The following DPP10 variants were observed in gnomAD, a reference collection of about 807,000 sequenced individuals.
DPP10 encodes dipeptidyl peptidase like 10.
Under a neutral mutation model 120.9 loss-of-function variants are expected in DPP10, and 33 were observed. That is an observed-to-expected ratio of 0.27 (90% CI 0.21 to 0.37). The LOEUF (loss-of-function observed/expected upper bound fraction) is 0.37, where lower values mean the gene tolerates loss of function less well. Among genes scored for constraint, DPP10 ranks in the 10% least tolerant of loss-of-function variants. The pLI is 1.00. For missense variants in DPP10, 816 were observed against 942.8 expected (o/e 0.87, Z 1.76); for synonymous variants, 337 against 326.1 (o/e 1.03, Z -0.36).
chr2:115,304,407 G>A (rs2061275434), intron 1 of DPP10, among the ~76,000 whole-genome samples: 2 of 152,024 alleles, frequency 1.3e-5, no homozygotes, highest in African/African-American at 4.8e-5. Context: ...AAAAACCCAA[G>A]TACATCTTTT....
intron 1 of DPP10, among the ~76,000 whole-genome samples, chr2:114,942,732 C>T (rs1023110268): frequency 2.0e-5 from 3 of 151,816 alleles, no homozygotes; most frequent in Non-Finnish European, 4.4e-5. Flanking sequence ...ATATTAGTGA[C>T]CATTATACCT....
In DPP10 at chr2:115,683,955, A is replaced by G. The variant is rs6729794; in HGVS notation, c.442-5732A>G. 4.3e-3 allele frequency among the ~76,000 whole-genome samples: 648 copies of G among 151,996 alleles called. 6 individuals carry two copies. Among genetic ancestry groups the G allele is most frequent in the African/African-American group, 0.015 (624 of 41,528 alleles). On this transcript the variant is annotated intron_variant, in intron 5 of 25. Transcript: ENST00000410059. ...AAACTTATTTCGGTATAAATAAAAAATCGCTTGTACTACTGTCAGTAATTG... is the reference window on the plus strand; with the variant it reads ...AAACTTATTTCGGTATAAATAAAAAGTCGCTTGTACTACTGTCAGTAATTG...
intron 5 of DPP10, among the ~76,000 whole-genome samples, chr2:115,578,331 A>G (rs1021096088): frequency 6.6e-6 from 1 of 152,128 alleles, no homozygotes; most frequent in African/African-American, 2.4e-5. Flanking sequence ...AGTAACTCTA[A>G]ATTTCCTTCT....
chr2:115,812,929 G>T (rs1486748687), intron 19 of DPP10, among the ~76,000 whole-genome samples: 1 of 149,266 alleles, frequency 6.7e-6, no homozygotes, highest in Admixed American at 6.6e-5. Flanking sequence ...TAGTTTGCTA[G>T]GACCACCATA....
chr2:115,840,917 C>A, intron 25 of DPP10, 94 bp downstream of exon 25: 1 of 1,003,958 alleles, frequency 1.0e-6, no homozygotes, highest in Middle Eastern at 2.7e-4. Flanking sequence ...ATTCTCCCTA[C>A]TATTATTTTT....
intron 1 of DPP10, among the ~76,000 whole-genome samples, chr2:114,514,283 T>A (rs2104603233): frequency 6.6e-6 from 1 of 152,332 alleles, no homozygotes. Flanking sequence ...TACACACTCT[T>A]ATGACACTAA....
chr2:115,697,887 A>G (rs990932475), intron 7 of DPP10, among the ~76,000 whole-genome samples: 1 of 152,146 alleles, frequency 6.6e-6, no homozygotes, highest in African/African-American at 2.4e-5. Context: ...CTGAAGGCTG[A>G]GGCAGAATGG....
At chr2:114,604,299 C>A (rs1390606334) in intron 1 of DPP10, among the ~76,000 whole-genome samples, 2 of 152,038 alleles carry the variant, frequency 1.3e-5, no homozygotes, top group African/African-American at 4.8e-5. Flanking sequence ...AGCCAAGGAC[C>A]AACTTTGCAA....
chr2:114,597,901 AT>A (rs1692054492), intron 1 of DPP10, among the ~76,000 whole-genome samples: 1 of 151,846 alleles, frequency 6.6e-6, no homozygotes, highest in Admixed American at 6.6e-5. Context: ...TCCCACCATC[AT>A]TTTTGACCAC....
At chr2:115,284,467 T>A (rs193047923) in intron 1 of DPP10, among the ~76,000 whole-genome samples, 1 of 151,868 alleles carries the variant, frequency 6.6e-6, no homozygotes. Context: ...TGTCAAACTT[T>A]TAAGCATCAA....
chr2:114,835,393 G>C (rs1371981646), intron 1 of DPP10: 5 of 151,742 alleles, frequency 3.3e-5, no homozygotes, highest in Non-Finnish European at 7.4e-5. Flanking sequence ...TTATATATAA[G>C]CCATATTTAC....
chr2:115,598,397 A>G (rs1046553278), intron 5 of DPP10, among the ~76,000 whole-genome samples: 3 of 151,778 alleles, frequency 2.0e-5, no homozygotes, highest in African/African-American at 7.3e-5. Context: ...AATTACTTGA[A>G]TATATTTTTA....
intron 1 of DPP10, among the ~76,000 whole-genome samples, chr2:114,864,565 C>T (rs975631825): frequency 6.6e-6 from 1 of 152,176 alleles, no homozygotes; most frequent in African/African-American, 2.4e-5. Context: ...GAACTCATCT[C>T]TGTGCTTCTT....
chr2:115,814,568 C>T (rs933494199), intron 19 of DPP10: 5 of 346,024 alleles, frequency 1.4e-5, no homozygotes, highest in Non-Finnish European at 2.6e-5. Context: ...TTAACTCATA[C>T]TTTCATTTCA....
chr2:114,621,615 A>T (rs964382940), intron 1 of DPP10, among the ~76,000 whole-genome samples: 1 of 151,968 alleles, frequency 6.6e-6, no homozygotes. Context: ...GACTGAATCC[A>T]GTGGAGTTAA....
At chr2:114,651,725 AG>A (rs1696599747) in intron 1 of DPP10, among the ~76,000 whole-genome samples, 1 of 152,142 alleles carries the variant, frequency 6.6e-6, no homozygotes, top group Admixed American at 6.5e-5. Context: ...TCTCATGAAA[AG>A]AAAAAAATTC....
In DPP10 at chr2:115,016,553, C is replaced by A. The variant is rs1350504877; in HGVS notation, c.61-292686C>A. 3.3e-5 allele frequency among the ~76,000 whole-genome samples: 5 copies of A among 152,104 alleles called. No homozygotes were observed. In the South Asian group the frequency reaches 1.0e-3, roughly 32 times the overall value. ...TCTGTACAGCAAAAGAAACTATCAT[C>A]AGAGTGAACAGGCAACCTACAGAAT... is the stretch of plus-strand genomic sequence containing the variant. On this transcript the variant is annotated intron_variant, in intron 1 of 25. Transcript: ENST00000410059.
rs573566666 is a variant in DPP10, at chr2:114,961,468, T to C, written c.61-347771T>C. ...GAATGCGTGTGTGTGTGTGTGTGTG[T>C]GTGCGCGCGCACATTTCAGAGAAAC... On this transcript the variant is annotated intron_variant, in intron 1 of 25. Transcript: ENST00000410059. 7.6e-4 allele frequency among the ~76,000 whole-genome samples: 116 copies of C among 151,896 alleles called. 1 individual carries two copies. The highest frequency in any genetic ancestry group is 6.8e-3 in the Middle Eastern group (2 of 294).
chr2:115,518,743 TG>T (rs1378575434), intron 4 of DPP10, among the ~76,000 whole-genome samples: 1 of 152,138 alleles, frequency 6.6e-6, no homozygotes, highest in Non-Finnish European at 1.5e-5. Flanking sequence ...AACTTTCTAC[TG>T]GGCAGCTCCG....
Sources: gnomAD v4.1 joint callset for allele counts (sites outside exome capture counted in the v4.1 genomes callset) on GRCh38, gnomAD v4.1.1 for gene constraint, MANE v1.5 for transcripts, NCBI Gene and HGNC (gene_info 2026-07-23, HGNC 2026-07-21) for gene names.